DHRSX: variants seen among roughly 807,000 people sequenced by gnomAD.
The protein encoded by DHRSX is dehydrogenase/reductase X-linked, also known as polyprenol dehydrogenase.
In DHRSX, 31 loss-of-function variants were observed where a neutral mutation model predicts 34.0. The observed-to-expected ratio is 0.91, with a 90% CI of 0.69 to 1.23. The LOEUF (loss-of-function observed/expected upper bound fraction) is 1.23. DHRSX is among the 50% of genes most tolerant of loss of function. The pLI is 0.00. For missense variants in DHRSX, 414 were observed against 428.1 expected (o/e 0.97, Z 0.29); for synonymous variants, 201 against 183.8 (o/e 1.09, Z -0.76).
chrX:2,345,097 T>C (rs149987690), intron 3 of DHRSX, among the ~76,000 whole-genome samples: 1,832 of 151,742 alleles, frequency 0.012, 38 homozygotes, highest in African/African-American at 0.042. Flanking sequence ...TCAGAGCAGC[T>C]TCCATGGCTT....
intron 1 of DHRSX, among the ~76,000 whole-genome samples, chrX:2,447,568 G>A (rs2044154507): frequency 6.6e-6 from 1 of 151,970 alleles, no homozygotes; most frequent in Non-Finnish European, 1.5e-5. Flanking sequence ...GCCCATCAAC[G>A]GGATACCTGC....
In DHRSX at chrX:2,318,970, G is replaced by A. The variant is rs142069697; in HGVS notation, c.287-27367C>T. On this transcript the variant is annotated intron_variant, in intron 3 of 6. Transcript: ENST00000334651. ...AATTTCATTACTTTGTGTGCCCACT[G>A]ACAATGGTAATGGTCTAACCCGGGG... Among the ~76,000 whole-genome samples, 628 of 152,180 alleles carry A rather than the reference G, an allele frequency of 4.1e-3. 8 individuals are homozygous for A. Among genetic ancestry groups the A allele is most frequent in the African/African-American group, 0.014 (601 of 41,522 alleles).
intron 1 of DHRSX, among the ~76,000 whole-genome samples, chrX:2,467,519 G>A (rs928034235): frequency 2.0e-5 from 3 of 152,120 alleles, no homozygotes; most frequent in Non-Finnish European, 2.9e-5. Context: ...CCAGAAACAG[G>A]AGACCGGACT....
At chrX:2,429,740 C>A (rs773550642) in intron 1 of DHRSX, among the ~76,000 whole-genome samples, 1 of 151,948 alleles carries the variant, frequency 6.6e-6, no homozygotes, top group Non-Finnish European at 1.5e-5. Context: ...CAGGAGTGCA[C>A]CCTGTCATTT....
chrX:2,425,283 C>A lies in DHRSX; in HGVS notation c.131G>T (p.Arg44Leu). ...TGTCCCTCCCGTCACTATAGCGACA[C>A]GGTCAGGTCGTGGGGGGAAAACTGA... ...LEPVFPPRPD[R>L]VAIVTGGTDG... is the part of the protein sequence containing the mutation. Residue 44 changes from arginine (R) to leucine (L), a missense_variant, in exon 2 of 7, where the codon CGT (arginine) becomes CTT (leucine). Arg to Leu is a moderately radical substitution (Grantham distance 102). Coordinates refer to ENST00000334651, the MANE Select transcript of DHRSX (RefSeq NM_145177.3). 4.3e-6 allele frequency: 7 copies of A among 1,613,738 alleles called. No individual in the cohort carries two copies. Among genetic ancestry groups the A allele is most frequent in the Non-Finnish European group, 5.9e-6 (7 of 1,179,760 alleles).
At chrX:2,463,756 G>T (rs1261319565) in intron 1 of DHRSX, among the ~76,000 whole-genome samples, 1 of 152,118 alleles carries the variant, frequency 6.6e-6, no homozygotes, top group Non-Finnish European at 1.5e-5. Context: ...TGGGACAGGC[G>T]GTGACAGAGG....
intron 5 of DHRSX, among the ~76,000 whole-genome samples, chrX:2,266,478 G>T (rs1490766651): frequency 6.6e-6 from 1 of 150,540 alleles, no homozygotes; most frequent in Non-Finnish European, 1.5e-5. Flanking sequence ...GAGCACCAGT[G>T]CTCGGCAGAC....
chrX:2,300,582 A>T (rs369190284), intron 3 of DHRSX, among the ~76,000 whole-genome samples: 16 of 152,262 alleles, frequency 1.1e-4, no homozygotes, highest in African/African-American at 3.4e-4. Flanking sequence ...AAAGAATGTG[A>T]AAAGGTTAGA....
intron 6 of DHRSX, among the ~76,000 whole-genome samples, chrX:2,223,618 A>G (rs1395884324): frequency 6.6e-6 from 1 of 152,148 alleles, no homozygotes; most frequent in Admixed American, 6.6e-5. Context: ...GACAGAACAG[A>G]GCAGGAGGAA....
intron 1 of DHRSX, among the ~76,000 whole-genome samples, chrX:2,459,195 A>G (rs1371207230): frequency 1.3e-5 from 2 of 152,214 alleles, no homozygotes; most frequent in African/African-American, 4.8e-5. Flanking sequence ...AAATAAATTC[A>G]AAGTTCTATC....
At chrX:2,342,456 C>T (rs1185248775) in intron 3 of DHRSX, among the ~76,000 whole-genome samples, 2 of 151,952 alleles carry the variant, frequency 1.3e-5, no homozygotes, top group Non-Finnish European at 2.9e-5. Context: ...ACCATGAGTT[C>T]GACGGTGCCC....
intron 3 of DHRSX, among the ~76,000 whole-genome samples, chrX:2,346,083 C>T (rs889792426): frequency 1.3e-5 from 2 of 152,122 alleles, no homozygotes; most frequent in South Asian, 2.1e-4. Flanking sequence ...GGAGGAATTT[C>T]ATCCAGGAAA....
At chrX:2,290,194 A>C (rs1217923373) in intron 4 of DHRSX, among the ~76,000 whole-genome samples, 1 of 152,202 alleles carries the variant, frequency 6.6e-6, no homozygotes, top group Non-Finnish European at 1.5e-5. Flanking sequence ...TTTCCAATTA[A>C]ACAAGTGGGT....
chrX:2,372,551 A>T (rs1255397074), intron 3 of DHRSX, among the ~76,000 whole-genome samples: 1 of 152,044 alleles, frequency 6.6e-6, no homozygotes. Context: ...TAGAGCATCC[A>T]GCATGTTGGG....
At chrX:2,309,799 G>C (rs2042142186) in intron 3 of DHRSX, among the ~76,000 whole-genome samples, 1 of 152,174 alleles carries the variant, frequency 6.6e-6, no homozygotes, top group African/African-American at 2.4e-5. Context: ...TGCAATCCCA[G>C]CTACGTGGGA....
At chrX:2,257,399 A>C (rs1232132679) in intron 5 of DHRSX, among the ~76,000 whole-genome samples, 1 of 152,208 alleles carries the variant, frequency 6.6e-6, no homozygotes, top group Non-Finnish European at 1.5e-5. Flanking sequence ...TTCGGGGAAC[A>C]CACATCCAGG....
At chrX:2,420,440 A>C (rs1425269402) in intron 2 of DHRSX, among the ~76,000 whole-genome samples, 2 of 136,042 alleles carry the variant, frequency 1.5e-5, no homozygotes, top group Non-Finnish European at 3.2e-5. Flanking sequence ...TAATAAAATA[A>C]TAAAATAAAA....
At chrX:2,288,945 A>G (rs2041836630) in intron 4 of DHRSX, among the ~76,000 whole-genome samples, 1 of 152,210 alleles carries the variant, frequency 6.6e-6, no homozygotes, top group Non-Finnish European at 1.5e-5. Flanking sequence ...AGCCATTTCA[A>G]AAGGTAAACG....
intron 4 of DHRSX, among the ~76,000 whole-genome samples, chrX:2,289,017 C>T (rs1420501828): frequency 6.6e-6 from 1 of 152,186 alleles, no homozygotes; most frequent in Non-Finnish European, 1.5e-5. Context: ...AGCCTGTATC[C>T]ACTGTCACAG....
Sources: allele counts gnomAD v4.1 joint callset (sites outside exome capture counted in the v4.1 genomes callset), GRCh38; gene constraint gnomAD v4.1.1; transcripts MANE v1.5; gene names NCBI Gene and HGNC (gene_info 2026-07-23, HGNC 2026-07-21).